SLX9: variants seen among roughly 807,000 people sequenced by gnomAD.
SLX9 encodes SLX9 ribosome biogenesis factor.
Under a neutral mutation model 20.8 loss-of-function variants are expected in SLX9, and 19 were observed. The ratio of observed to expected loss-of-function variants is 0.91; its 90% CI spans 0.64 to 1.34. The LOEUF is 1.34. Among genes scored for constraint, SLX9 ranks in the 40% most tolerant of loss-of-function variants. SLX9 has a pLI of 0.00. For synonymous variants in SLX9, 113 were observed against 137.1 expected (o/e 0.82, Z 1.23); for missense variants, 299 against 322.2 (o/e 0.93, Z 0.55).
intron 3 of SLX9, among the ~76,000 whole-genome samples, chr21:44,965,341 C>T (rs1366634821): frequency 6.6e-6 from 1 of 152,126 alleles, no homozygotes. Flanking sequence ...GCCGTGGGTC[C>T]CGCCCCGCCA....
intron 2 of SLX9, among the ~76,000 whole-genome samples, chr21:44,946,210 A>G (rs1408891543): frequency 2.0e-5 from 3 of 152,174 alleles, no homozygotes; most frequent in Admixed American, 1.3e-4. Flanking sequence ...AAAAATTTGA[A>G]GATTCTATTG....
Position 44,940,082 on chromosome 21 carries a change from G to C in SLX9, c.25G>C (p.Ala9Pro). 1 of 1,458,246 alleles carries C rather than the reference G, an allele frequency of 6.9e-7. No homozygotes were observed. The highest frequency in any genetic ancestry group is 9.1e-7 in the Non-Finnish European group (1 of 1,103,674). The allele number at this position is 1,458,246 out of a possible 1,614,324, so 90.3% of individuals were successfully genotyped here. ...GATGGGGAAAGTGAGGGGGTTGCGC[G>C]CCCGAGTGCACCAGGCTGCCGTGAG... MGKVRGLRARVHQAAVRPK... is the reference protein window; with the variant it reads MGKVRGLRPRVHQAAVRPK... Residue 9 changes from alanine (A) to proline (P), a missense_variant, in exon 1 of 6, where the codon GCC becomes CCC. Transcript: ENST00000291634.
intron 3 of SLX9, among the ~76,000 whole-genome samples, chr21:44,964,845 C>T (rs77482487): frequency 0.016 from 2,370 of 152,142 alleles, 54 homozygotes; most frequent in African/African-American, 0.054. Flanking sequence ...GCCTTTGATT[C>T]CTCTTTGTTT....
chr21:44,951,215 C>T (rs1439695366), intron 2 of SLX9, among the ~76,000 whole-genome samples: 7 of 152,134 alleles, frequency 4.6e-5, no homozygotes, highest in African/African-American at 1.4e-4. Flanking sequence ...ACCGTGGCTG[C>T]TGCCATACTG....
intron 3 of SLX9, among the ~76,000 whole-genome samples, chr21:44,966,667 C>A (rs558573683): frequency 6.6e-6 from 1 of 152,246 alleles, no homozygotes; most frequent in African/African-American, 2.4e-5. Context: ...TGTGACTTGC[C>A]ATCTTAAGTT....
intron 3 of SLX9, among the ~76,000 whole-genome samples, chr21:44,966,736 C>G (rs555864966): frequency 1.3e-5 from 2 of 152,358 alleles, no homozygotes; most frequent in South Asian, 4.1e-4. Context: ...TGTGCACTCC[C>G]CTACGCGTGC....
intron 4 of SLX9, among the ~76,000 whole-genome samples, chr21:44,972,687 C>T (rs73909905): frequency 0.078 from 11,926 of 152,250 alleles, 1,560 homozygotes; most frequent in African/African-American, 0.27. Flanking sequence ...AAGAGAGGAC[C>T]TGGGGACATG....
chr21:44,973,406 G>A (rs2085197555), intron 5 of SLX9, 141 bp downstream of exon 5: 19 of 528,174 alleles, frequency 3.6e-5, no homozygotes, highest in South Asian at 4.2e-5. Flanking sequence ...CCCTCACCCC[G>A]CCCACCCTCT....
intron 2 of SLX9, among the ~76,000 whole-genome samples, chr21:44,952,410 C>T (rs1207695079): frequency 6.6e-6 from 1 of 152,266 alleles, no homozygotes; most frequent in African/African-American, 2.4e-5. Context: ...GTTTCTGGAA[C>T]TTTCACATCA....
At position 44,954,041 on chromosome 21, in the gene SLX9, A is replaced by G. The variant is rs1023452674; in HGVS notation, c.284-6059A>G. On this transcript the variant is annotated intron_variant, in intron 2 of 5. Transcript: ENST00000291634. ...CTGGCTGGGAGCTCACAGGACAGCA[A>G]GAAGCCACGCTGCTCCCGGGGCACA... 2.0e-5 allele frequency among the ~76,000 whole-genome samples: 3 copies of G among 151,906 alleles called. No homozygotes were observed. In the East Asian group the frequency reaches 5.8e-4, roughly 29 times the overall value.
intron 2 of SLX9, among the ~76,000 whole-genome samples, chr21:44,948,698 G>A (rs893914209): frequency 1.3e-5 from 2 of 152,206 alleles, no homozygotes; most frequent in Non-Finnish European, 2.9e-5. Context: ...GAGAGGCGCC[G>A]GTGGTGGTAC....
At chr21:44,949,322 C>T (rs557308801) in intron 2 of SLX9, among the ~76,000 whole-genome samples, 6 of 152,158 alleles carry the variant, frequency 3.9e-5, no homozygotes, top group East Asian at 1.9e-4. Context: ...GCCCTGGGCC[C>T]GGCTGTCAGG....
chr21:44,960,209 G>A, intron 3 of SLX9, 41 bp downstream of exon 3: 1 of 1,586,568 alleles, frequency 6.3e-7, no homozygotes, highest in Non-Finnish European at 8.7e-7. Context: ...GCCGGCCCAA[G>A]TCCCATCCCG....
intron 2 of SLX9, among the ~76,000 whole-genome samples, chr21:44,958,954 G>T (rs1310336937): frequency 6.6e-6 from 1 of 152,226 alleles, no homozygotes; most frequent in African/African-American, 2.4e-5. Context: ...ACTGGTCTTA[G>T]ATTCATTTTT....
chr21:44,972,925 A>G, intron 4 of SLX9: 2 of 37,652 alleles, frequency 5.3e-5, no homozygotes, highest in Non-Finnish European at 9.0e-5. Context: ...ACCAGATTCC[A>G]CACGGAGCAG....
intron 2 of SLX9, among the ~76,000 whole-genome samples, chr21:44,952,423 G>T (rs1036414031): frequency 3.3e-5 from 5 of 152,266 alleles, no homozygotes; most frequent in Non-Finnish European, 7.3e-5. Context: ...TCACATCAGA[G>T]TGTGTGGCCT....
At chr21:44,941,950 C>T (rs1420027905) in intron 1 of SLX9, among the ~76,000 whole-genome samples, 1 of 152,332 alleles carries the variant, frequency 6.6e-6, no homozygotes, top group East Asian at 1.9e-4. Flanking sequence ...CAGCCTACCG[C>T]TCCTGGGCAA....
chr21:44,952,503 C>T (rs1018002013), intron 2 of SLX9, among the ~76,000 whole-genome samples: 1 of 152,286 alleles, frequency 6.6e-6, no homozygotes, highest in Admixed American at 6.5e-5. Flanking sequence ...CCCCAGGGCC[C>T]TCCTTCTCCC....
chr21:44,971,555 A>G (rs1283801924), intron 4 of SLX9, among the ~76,000 whole-genome samples: 1 of 151,994 alleles, frequency 6.6e-6, no homozygotes, highest in Non-Finnish European at 1.5e-5. Context: ...TCCCACCCCC[A>G]CTGCTAGTTC....
Sources: gnomAD v4.1 joint callset for allele counts (sites outside exome capture counted in the v4.1 genomes callset) on GRCh38, gnomAD v4.1.1 for gene constraint, MANE v1.5 for transcripts, NCBI Gene and HGNC (gene_info 2026-07-23, HGNC 2026-07-21) for gene names.